SGCZ: variants seen among roughly 807,000 people sequenced by gnomAD.
SGCZ encodes sarcoglycan zeta.
In SGCZ, 40 loss-of-function variants were observed where a neutral mutation model predicts 41.3. That is an observed-to-expected ratio of 0.97 (90% confidence interval 0.75 to 1.26). The LOEUF (loss-of-function observed/expected upper bound fraction) is 1.26. Ranked by LOEUF, SGCZ falls within the 50% of genes most tolerant of loss-of-function variation. The pLI is 0.00. For missense variants in SGCZ, 552 were observed against 369.8 expected (o/e 1.49, Z -4.04); for synonymous variants, 206 against 137.5 (o/e 1.50, Z -3.49).
intron 1 of SGCZ, among the ~76,000 whole-genome samples, chr8:15,181,595 G>T (rs867045806): frequency 3.3e-5 from 5 of 152,132 alleles, no homozygotes; most frequent in South Asian, 4.1e-4. Context: ...AAACCATTAT[G>T]TTGAAATATC....
chr8:14,112,625 A>G (rs1346773531), intron 5 of SGCZ, among the ~76,000 whole-genome samples: 1 of 152,152 alleles, frequency 6.6e-6, no homozygotes, highest in Non-Finnish European at 1.5e-5. Flanking sequence ...AATCTAGATT[A>G]AGCTGGGAAT....
intron 1 of SGCZ, chr8:14,879,448 T>TA (rs1804494393): frequency 6.6e-6 from 1 of 152,130 alleles, no homozygotes; most frequent in Admixed American, 6.6e-5. Flanking sequence ...TATATATAAC[T>TA]AGCCAAGCTT....
chr8:15,008,170 T>C (rs897220726), intron 1 of SGCZ, among the ~76,000 whole-genome samples: 2 of 152,176 alleles, frequency 1.3e-5, no homozygotes, highest in Non-Finnish European at 2.9e-5. Context: ...TCTCTGCACC[T>C]ACTTGAAGCA....
chr8:14,094,521 T>A (rs1801784108), intron 7 of SGCZ, among the ~76,000 whole-genome samples: 1 of 152,138 alleles, frequency 6.6e-6, no homozygotes, highest in Non-Finnish European at 1.5e-5. Context: ...ATATTTTGTT[T>A]ATCGAGTCAT....
intron 1 of SGCZ, among the ~76,000 whole-genome samples, chr8:15,166,791 G>C (rs268407): frequency 6.6e-6 from 1 of 152,102 alleles, no homozygotes; most frequent in African/African-American, 2.4e-5. Flanking sequence ...TCCTCTTCAA[G>C]GGTGGTTTAT....
chr8:14,709,221 A>G (rs1233597834), intron 1 of SGCZ, among the ~76,000 whole-genome samples: 1 of 152,168 alleles, frequency 6.6e-6, no homozygotes, highest in Non-Finnish European at 1.5e-5. Context: ...CTGTTCACCA[A>G]CTTGAACTCA....
intron 1 of SGCZ, among the ~76,000 whole-genome samples, chr8:14,770,729 A>G (rs1800208896): frequency 6.6e-6 from 1 of 152,152 alleles, no homozygotes; most frequent in African/African-American, 2.4e-5. Context: ...AATAAGACAT[A>G]GTATCTGCCA....
In SGCZ at chr8:14,259,901, C is replaced by T. The variant is rs542112047; in HGVS notation, c.337-22222G>A. Among the ~76,000 whole-genome samples the T allele has an allele frequency of 8.8e-3, 1,344 of 152,062 alleles. 5 individuals are homozygous for T. The highest frequency in any genetic ancestry group is 9.9e-3 in the Non-Finnish European group (671 of 67,986). ...CACTGAATCTGTAAATTACCTTGGGCAGTATGGCCATTTTCACGATATTGA... is the reference window on the plus strand; with the variant it reads ...CACTGAATCTGTAAATTACCTTGGGTAGTATGGCCATTTTCACGATATTGA... On this transcript the variant is annotated intron_variant, in intron 3 of 7. Coordinates refer to ENST00000382080, the MANE Select transcript of SGCZ (RefSeq NM_139167.4).
rs532675418 is a variant in SGCZ, at chr8:15,115,171, C to T, written c.39+122414G>A. On this transcript the variant is annotated intron_variant, in intron 1 of 7. Transcript: ENST00000382080. ...ATGCAGTGATTCAGAGACCCAGGCA[C>T]CCTTCCTCTATCTTGTGGTGTGCTG... Among the ~76,000 whole-genome samples the T allele has an allele frequency of 3.9e-4, 60 of 152,302 alleles. 2 individuals are homozygous for T. In the South Asian group the frequency reaches 0.012, roughly 30 times the overall value.
intron 1 of SGCZ, among the ~76,000 whole-genome samples, chr8:14,612,818 T>C (rs1805973023): frequency 6.6e-6 from 1 of 152,106 alleles, no homozygotes; most frequent in South Asian, 2.1e-4. Context: ...CTCAAGTTGC[T>C]GGGATTACAA....
At chr8:14,782,475 T>A (rs1197259128) in intron 1 of SGCZ, among the ~76,000 whole-genome samples, 3 of 152,186 alleles carry the variant, frequency 2.0e-5, no homozygotes, top group Non-Finnish European at 4.4e-5. Context: ...TTCTTTCCTC[T>A]GCAGTTCAGA....
At chr8:14,788,615 G>T (rs533597272) in intron 1 of SGCZ, among the ~76,000 whole-genome samples, 3 of 152,098 alleles carry the variant, frequency 2.0e-5, no homozygotes, top group African/African-American at 7.2e-5. Flanking sequence ...AGTTAAAGAG[G>T]CAATACGTGT....
intron 1 of SGCZ, among the ~76,000 whole-genome samples, chr8:14,928,639 G>T (rs1799834172): frequency 6.6e-6 from 1 of 152,056 alleles, no homozygotes; most frequent in Non-Finnish European, 1.5e-5. Flanking sequence ...TATATTACTG[G>T]GGTCCTCAGT....
At chr8:14,094,837 G>A (rs1252288080) in intron 7 of SGCZ, among the ~76,000 whole-genome samples, 3 of 152,172 alleles carry the variant, frequency 2.0e-5, no homozygotes, top group Admixed American at 6.5e-5. Context: ...TCTAACTGGC[G>A]TGAGATGGTA....
At chr8:14,202,917 TCAGG>T (rs1283178078) in intron 4 of SGCZ, among the ~76,000 whole-genome samples, 2 of 152,128 alleles carry the variant, frequency 1.3e-5, no homozygotes, top group Non-Finnish European at 2.9e-5. Flanking sequence ...GTGGGAGGAA[TCAGG>T]CGGGAGGTGA....
At chr8:14,270,034 T>C (rs914323793) in intron 3 of SGCZ, among the ~76,000 whole-genome samples, 2 of 152,074 alleles carry the variant, frequency 1.3e-5, no homozygotes, top group African/African-American at 2.4e-5. Flanking sequence ...TAACTTCTTA[T>C]TAAAATAAAA....
At chr8:14,690,327 C>T (rs529542822) in intron 1 of SGCZ, 1 of 152,120 alleles carries the variant, frequency 6.6e-6, no homozygotes, top group South Asian at 2.1e-4. Flanking sequence ...GATGGCTTCC[C>T]ACTCCTTGCC....
intron 2 of SGCZ, among the ~76,000 whole-genome samples, chr8:14,421,898 A>G (rs747649879): frequency 6.6e-6 from 1 of 152,176 alleles, no homozygotes; most frequent in Non-Finnish European, 1.5e-5. Flanking sequence ...TAACATTTTA[A>G]GAATGTTAGT....
At chr8:14,417,624 T>A (rs1799530005) in intron 2 of SGCZ, among the ~76,000 whole-genome samples, 1 of 151,888 alleles carries the variant, frequency 6.6e-6, no homozygotes, top group South Asian at 2.1e-4. Flanking sequence ...TACAATATTT[T>A]GAATAAACAT....
Sources: gnomAD v4.1 joint callset for allele counts (sites outside exome capture counted in the v4.1 genomes callset) on GRCh38, gnomAD v4.1.1 for gene constraint, MANE v1.5 for transcripts, NCBI Gene and HGNC (gene_info 2026-07-23, HGNC 2026-07-21) for gene names.